The following ZNF605 variants were observed in gnomAD, a reference collection of about 807,000 sequenced individuals.
The protein encoded by ZNF605 is zinc finger protein 605.
Under a neutral mutation model 7.9 loss-of-function variants are expected in ZNF605, and 9 were observed. That is an observed-to-expected ratio of 1.14 (90% CI 0.68 to 1.98). The LOEUF (loss-of-function observed/expected upper bound fraction) is 1.98. Among genes scored for constraint, ZNF605 ranks in the 30% most tolerant of loss-of-function variants. ZNF605 has a pLI of 0.00. For missense variants in ZNF605, 673 were observed against 762.4 expected (o/e 0.88, Z 1.38); for synonymous variants, 255 against 260.1 (o/e 0.98, Z 0.19).
At chr12:132,927,477 T>A (rs1388366217) in intron 4 of ZNF605, among the ~76,000 whole-genome samples, 1 of 152,154 alleles carries the variant, frequency 6.6e-6, no homozygotes. Flanking sequence ...GCAATTCTCC[T>A]GCCTCAGCCT....
intron 3 of ZNF605, among the ~76,000 whole-genome samples, chr12:132,938,622 A>G (rs1273589760): frequency 1.1e-4 from 17 of 151,752 alleles, no homozygotes; most frequent in Non-Finnish European, 2.2e-4. Flanking sequence ...TGTTCTCGGC[A>G]CCTCCCCTGC....
intron 3 of ZNF605, among the ~76,000 whole-genome samples, chr12:132,936,664 T>C (rs889998522): frequency 1.3e-4 from 20 of 152,196 alleles, no homozygotes; most frequent in Non-Finnish European, 2.2e-4. Flanking sequence ...AACAATTTTA[T>C]ACTCATAAGC....
intron 3 of ZNF605, 21 bp downstream of exon 3, chr12:132,945,600 G>A (rs1318874656): frequency 7.4e-6 from 12 of 1,611,200 alleles, no homozygotes; most frequent in African/African-American, 2.7e-5. Context: ...TCATGAAACA[G>A]AGGATAAACC....
Position 132,922,126 on chromosome 12 carries a change from G to C in ZNF605, c.*3247C>G, listed in dbSNP as rs1452544423. 4 of 152,222 alleles carry C rather than the reference G, an allele frequency of 2.6e-5. No homozygotes were observed. Among genetic ancestry groups the C allele is most frequent in the Non-Finnish European group, 5.9e-5 (4 of 68,052 alleles). 9.4% of individuals were successfully genotyped at this position (152,222 alleles called of 1,614,324 possible). The stretch of plus-strand genomic sequence containing the variant: ...GAATTATCCACAACGAATGGTAGCA[G>C]ATGATGGGTCAGGGGTATTTTAATT... On this transcript the variant is annotated 3_prime_UTR_variant, in exon 5 of 5. Transcript: ENST00000360187.
At chr12:132,930,374 CTTTA>C (rs1466536931) in intron 4 of ZNF605, among the ~76,000 whole-genome samples, 2 of 152,146 alleles carry the variant, frequency 1.3e-5, no homozygotes, top group Non-Finnish European at 1.5e-5. Flanking sequence ...CAAATACCCT[CTTTA>C]TTTCTTTCCT....
In ZNF605 at chr12:132,938,766, C is replaced by T. The variant is rs374089577; in HGVS notation, c.16-5611G>A. Among the ~76,000 whole-genome samples, 66 of 152,182 alleles carry T rather than the reference C, an allele frequency of 4.3e-4. No individual in the cohort carries two copies. In the East Asian group the frequency reaches 4.5e-3, roughly 10 times the overall value. ...GGAGGTGTGGAGGGAGAGGCACGAG[C>T]GGGAACCGGGGCTGTGTGCGGCGCT... On this transcript the variant is annotated intron_variant, in intron 3 of 4. Coordinates refer to ENST00000360187, the MANE Select transcript of ZNF605 (RefSeq NM_183238.4).
rs1057100367 is a variant in ZNF605 at position 132,921,470 on chromosome 12, T to C, written c.*3903A>G. On this transcript the variant is annotated 3_prime_UTR_variant, in exon 5 of 5. Coordinates refer to ENST00000360187, the MANE Select transcript of ZNF605 (RefSeq NM_183238.4). The stretch of plus-strand genomic sequence containing the variant: ...CATGGGAGAATCCTGATGGTGGAAA[T>C]CATTTTATTCTCATACACAGGTTAT... 3 of 152,158 alleles carry C rather than the reference T, an allele frequency of 2.0e-5. No homozygotes were observed. The highest frequency in any genetic ancestry group is 7.2e-5 in the African/African-American group (3 of 41,418). 9.4% of individuals were successfully genotyped at this position (152,158 alleles called of 1,614,324 possible). A position where few individuals can be genotyped will look rare whatever the true frequency, so the allele number is the denominator to read the frequency against.
chr12:132,925,055 G>A lies in ZNF605; in HGVS notation c.*318C>T, dbSNP rs536011793. The A allele has an allele frequency of 4.0e-5, 9 of 227,712 alleles. No homozygotes were observed. In the East Asian group the frequency reaches 8.8e-4, roughly 22 times the overall value. The allele number at this position is 227,712 out of a possible 1,614,324, so 14.1% of individuals were successfully genotyped here. ...TAAAAAACAATAGAATTTTCTTCCT[G>A]TTTAGGTATTCTAAACATTTAATAA... On this transcript the variant is annotated 3_prime_UTR_variant, in exon 5 of 5. Coordinates refer to ENST00000360187, the MANE Select transcript of ZNF605 (RefSeq NM_183238.4).
intron 4 of ZNF605, among the ~76,000 whole-genome samples, chr12:132,930,459 T>C (rs1025830253): frequency 1.4e-4 from 21 of 152,224 alleles, no homozygotes; most frequent in African/African-American, 4.6e-4. Context: ...TGTATGAGTG[T>C]AGGGAACAGG....
chr12:132,930,513 A>G (rs1952298024), intron 4 of ZNF605, among the ~76,000 whole-genome samples: 1 of 152,198 alleles, frequency 6.6e-6, no homozygotes, highest in South Asian at 2.1e-4. Flanking sequence ...AGCACATAAC[A>G]AGCCCTCAAT....
intron 1 of ZNF605, among the ~76,000 whole-genome samples, chr12:132,949,497 C>T (rs1300154342): frequency 6.6e-6 from 1 of 152,190 alleles, no homozygotes; most frequent in Non-Finnish European, 1.5e-5. Context: ...CACTCTTAAC[C>T]TGTCTCTTCT....
intron 2 of ZNF605, among the ~76,000 whole-genome samples, chr12:132,947,278 G>A (rs1952503911): frequency 6.6e-6 from 1 of 151,914 alleles, no homozygotes; most frequent in African/African-American, 2.4e-5. Context: ...GCCTCCCAAA[G>A]TGCTGGGATT....
intron 1 of ZNF605, among the ~76,000 whole-genome samples, chr12:132,951,478 TCATA>T (rs1255576645): frequency 6.7e-6 from 1 of 148,896 alleles, no homozygotes; most frequent in African/African-American, 2.5e-5. Flanking sequence ...GCACGCAGAT[TCATA>T]CATACATCAC....
At chr12:132,934,862 G>A (rs1952347447) in intron 3 of ZNF605, among the ~76,000 whole-genome samples, 1 of 152,132 alleles carries the variant, frequency 6.6e-6, no homozygotes, top group Non-Finnish European at 1.5e-5. Flanking sequence ...ACAAAACGGG[G>A]ATAAAAACAC....
chr12:132,938,855 C>G (rs1168894046), intron 3 of ZNF605, among the ~76,000 whole-genome samples: 4 of 152,120 alleles, frequency 2.6e-5, no homozygotes, highest in Non-Finnish European at 4.4e-5. Flanking sequence ...GAGCAGCCAG[C>G]CAGCCCTGCT....
intron 4 of ZNF605, among the ~76,000 whole-genome samples, chr12:132,927,792 G>A (rs1227774494): frequency 1.3e-5 from 2 of 151,956 alleles, no homozygotes; most frequent in African/African-American, 4.8e-5. Context: ...GAGTAGCTGA[G>A]ACTACAGGTG....
At chr12:132,932,928 T>A in intron 4 of ZNF605, 107 bp downstream of exon 4, 1 of 1,419,326 alleles carries the variant, frequency 7.0e-7, no homozygotes, top group Non-Finnish European at 9.4e-7. Context: ...TTCAATTCAG[T>A]ATAAAAGTCA....
intron 4 of ZNF605, 98 bp downstream of exon 4, chr12:132,932,937 C>A: frequency 1.4e-6 from 2 of 1,449,130 alleles, no homozygotes; most frequent in South Asian, 2.9e-5. Context: ...GTATAAAAGT[C>A]AAATAATCTT....
At chr12:132,946,485 T>G (rs1324818122) in intron 2 of ZNF605, among the ~76,000 whole-genome samples, 1 of 152,200 alleles carries the variant, frequency 6.6e-6, no homozygotes, top group East Asian at 1.9e-4. Flanking sequence ...GGGAATGTCT[T>G]ATGTTGCCTC....
Sources: gnomAD v4.1 joint callset for allele counts (sites outside exome capture counted in the v4.1 genomes callset) on GRCh38, gnomAD v4.1.1 for gene constraint, MANE v1.5 for transcripts, NCBI Gene and HGNC (gene_info 2026-07-23, HGNC 2026-07-21) for gene names.